Variants in ARRDC5 observed in about 807,000 individuals in gnomAD.
ARRDC5 encodes arrestin domain-containing protein 5.
In ARRDC5, 12 loss-of-function variants were observed where a neutral mutation model predicts 13.3. That is an observed-to-expected ratio of 0.90 (90% CI 0.58 to 1.46). The LOEUF (loss-of-function observed/expected upper bound fraction) is 1.46, where lower values mean the gene tolerates loss of function less well. Among genes scored for constraint, ARRDC5 ranks in the 40% most tolerant of loss-of-function variants. ARRDC5 has a pLI of 0.00. For synonymous variants in ARRDC5, 181 were observed against 173.4 expected (o/e 1.04, Z -0.34); for missense variants, 406 against 418.7 (o/e 0.97, Z 0.26).
At chr19:4,911,292 C>CT in the ARRDC5 span, among the ~76,000 whole-genome samples, 1 of 152,136 alleles carries the variant, frequency 6.6e-6, no homozygotes, top group Admixed American at 6.5e-5. Context: ...TTTTAAACTT[C>CT]TTTTTTCAAA....
the ARRDC5 span, among the ~76,000 whole-genome samples, chr19:4,912,072 G>C: frequency 6.6e-6 from 1 of 152,122 alleles, no homozygotes; most frequent in African/African-American, 2.4e-5. Flanking sequence ...AATTTCTCTG[G>C]CTTGCATGCC....
the ARRDC5 span, chr19:4,909,517 C>A: frequency 3.0e-6 from 2 of 657,348 alleles, no homozygotes; most frequent in Non-Finnish European, 5.5e-6. Flanking sequence ...GCTGGCAGCG[C>A]GGCGGGCAGC....
the ARRDC5 span, chr19:4,910,588 C>T: frequency 6.2e-6 from 2 of 322,294 alleles, no homozygotes; most frequent in Non-Finnish European, 1.1e-5. Flanking sequence ...CTCCTCTGGT[C>T]GTGGGGAAGG....
upstream of ARRDC5, among the ~76,000 whole-genome samples, chr19:4,904,392 G>T (rs2032020331): frequency 6.6e-6 from 1 of 152,094 alleles, no homozygotes; most frequent in Non-Finnish European, 1.5e-5. Flanking sequence ...TGTTAGCCAG[G>T]ATGGTCTCAA....
At chr19:4,892,071 A>C (rs916970094) in intron 2 of ARRDC5, among the ~76,000 whole-genome samples, 9 of 151,784 alleles carry the variant, frequency 5.9e-5, no homozygotes, top group African/African-American at 2.2e-4. Context: ...CCCATCTCCC[A>C]GCATGTTTTG....
At chr19:4,909,296 T>A in the ARRDC5 span, 1 of 541,220 alleles carries the variant, frequency 1.8e-6, no homozygotes, top group South Asian at 2.3e-5. Context: ...CTTTGCACGC[T>A]GGGCGCGCCC....
the ARRDC5 span, among the ~76,000 whole-genome samples, chr19:4,914,444 T>G: frequency 6.6e-6 from 1 of 152,118 alleles, no homozygotes; most frequent in Non-Finnish European, 1.5e-5. Context: ...GCCCAAGGTC[T>G]GCAGTGAAGT....
upstream of ARRDC5, chr19:4,903,019 C>CTCAATGGTTCTTTT (rs2031977142): frequency 4.5e-6 from 2 of 447,488 alleles, no homozygotes; most frequent in Non-Finnish European, 8.0e-6. Context: ...ACCTGTAGTC[C>CTCAATGGTTCTTTT]TCACTGGTTC....
intron 2 of ARRDC5, among the ~76,000 whole-genome samples, chr19:4,891,953 T>G (rs1304961210): frequency 2.8e-5 from 1 of 36,306 alleles, no homozygotes; most frequent in South Asian, 1.0e-3. Flanking sequence ...AAACTCCGTC[T>G]CAAAAAAAAA....
At chr19:4,894,510 C>CAAAAAAAAAAAAAAAAAAAAA in intron 2 of ARRDC5, among the ~76,000 whole-genome samples, 1 of 27,226 alleles carries the variant, frequency 3.7e-5, no homozygotes, top group African/African-American at 1.6e-4. Flanking sequence ...GACTCCGTCT[C>CAAAAAAAAAAAAAAAAAAAAA]AAAAAAAAAA....
At chr19:4,910,902 G>A in the ARRDC5 span, 3 of 1,612,200 alleles carry the variant, frequency 1.9e-6, no homozygotes, top group Non-Finnish European at 2.5e-6. Flanking sequence ...ATCCAGGTTC[G>A]GACCATGGAC....
At chr19:4,909,849 C>A in the ARRDC5 span, 1 of 389,726 alleles carries the variant, frequency 2.6e-6, no homozygotes. Flanking sequence ...CCGGGACCAG[C>A]GCTGCGTCCC....
intron 1 of ARRDC5, 61 bp from the exon 2 acceptor site, chr19:4,896,937 T>TTC: frequency 1.8e-6 from 1 of 557,888 alleles, no homozygotes; most frequent in Non-Finnish European, 2.6e-6. Flanking sequence ...CTTCTTCTTC[T>TTC]TTTTTTTTTT....
the ARRDC5 span, chr19:4,910,357 A>AGGGGGGGCCGGCAAGGAG: frequency 2.2e-5 from 1 of 45,036 alleles, no homozygotes. Flanking sequence ...GCCGGCAAGG[A>AGGGGGGGCCGGCAAGGAG]GGGGGGGCGT....
rs752682959 is a variant in ARRDC5, at chr19:4,891,123, T to C, written c.910A>G (p.Ser304Gly). Reference sequence around the variant, plus strand: ...CAGATGGCAGAGTCCACTGAGGCGCTGGTGATGATGATGGGAACTTTGGCC... The same window carrying C: ...CAGATGGCAGAGTCCACTGAGGCGCCGGTGATGATGATGGGAACTTTGGCC... ...LKAKVPIIIT[S>G]ASVDSAICQL... The change falls in exon 3 of 3, where the codon AGC becomes GGC. Residue 304 changes from serine (S) to glycine (G), a missense_variant. Coordinates refer to ENST00000650722, the MANE Select transcript of ARRDC5 (RefSeq NM_001080523.3). 1.8e-5 allele frequency: 29 copies of C among 1,613,976 alleles called. No individual in the cohort carries two copies. The South Asian group carries it at 3.0e-4, about 16-fold the overall frequency.
At chr19:4,907,024 C>T (rs974658863), upstream of ARRDC5, among the ~76,000 whole-genome samples, 3 of 152,222 alleles carry the variant, frequency 2.0e-5, no homozygotes, top group African/African-American at 7.2e-5. Context: ...AAACAGTGAA[C>T]AGCACCATCT....
intron 1 of ARRDC5, among the ~76,000 whole-genome samples, chr19:4,897,558 C>T (rs2031776701): frequency 6.6e-6 from 1 of 152,072 alleles, no homozygotes; most frequent in Admixed American, 6.6e-5. Flanking sequence ...GGCTCTGTTG[C>T]TTAGGCTGCA....
chr19:4,902,918 C>A, upstream of ARRDC5: 1 of 1,585,772 alleles, frequency 6.3e-7, no homozygotes, highest in Non-Finnish European at 8.6e-7. Context: ...CCATCTATGA[C>A]ATCACTCAGC....
At chr19:4,909,668 G>T in the ARRDC5 span, 1 of 528,430 alleles carries the variant, frequency 1.9e-6, no homozygotes. Flanking sequence ...GAGCGGGCGG[G>T]CCGGGTCGGG....
Sources: allele counts gnomAD v4.1 joint callset (sites outside exome capture counted in the v4.1 genomes callset), GRCh38; gene constraint gnomAD v4.1.1; transcripts MANE v1.5; gene names NCBI Gene and HGNC (gene_info 2026-07-23, HGNC 2026-07-21).